The following KLF12 variants were observed in gnomAD, a reference collection of about 807,000 sequenced individuals.
The protein encoded by KLF12 is Krueppel-like factor 12.
KLF12 carries 9 observed loss-of-function variants against 37.8 expected under a neutral mutation model. That is an observed-to-expected ratio of 0.24 (90% CI 0.14 to 0.42). The LOEUF (loss-of-function observed/expected upper bound fraction) is 0.42, where lower values mean the gene tolerates loss of function less well. Ranked by LOEUF, KLF12 falls within the 10% of genes least tolerant of loss-of-function variation. The probability of loss-of-function intolerance (pLI) is 1.00; values close to 1 mark genes in which losing one functional copy is unlikely to be tolerated. For synonymous variants in KLF12, 208 were observed against 202.1 expected, an observed-to-expected ratio of 1.03 and a Z score of -0.25; for missense variants, 411 against 516.0, an observed-to-expected ratio of 0.80 and a Z score of 1.97.
At chr13:74,225,218 T>G in the KLF12 span, among the ~76,000 whole-genome samples, 1 of 152,150 alleles carries the variant, frequency 6.6e-6, no homozygotes, top group African/African-American at 2.4e-5. Flanking sequence ...TCCCTACACC[T>G]GATCCCTTGA....
At chr13:73,819,217 A>G (rs1285385373) in intron 4 of KLF12, among the ~76,000 whole-genome samples, 1 of 152,136 alleles carries the variant, frequency 6.6e-6, no homozygotes, top group African/African-American at 2.4e-5. Context: ...TTGCACCGGG[A>G]ATCTTCAGTT....
At chr13:73,704,592 T>C (rs1335183234) in intron 7 of KLF12, among the ~76,000 whole-genome samples, 1 of 152,236 alleles carries the variant, frequency 6.6e-6, no homozygotes, top group Non-Finnish European at 1.5e-5. Context: ...CAGTTTCTAA[T>C]GATTCTGTTT....
At chr13:73,987,938 A>C (rs1009812088) in intron 2 of KLF12, among the ~76,000 whole-genome samples, 3 of 152,090 alleles carry the variant, frequency 2.0e-5, no homozygotes, top group African/African-American at 7.2e-5. Context: ...AAAAGAAATA[A>C]GCCTCAACAG....
At chr13:74,172,142 G>GACACACACACACACACACACACACACAC in the KLF12 span, among the ~76,000 whole-genome samples, 2 of 146,074 alleles carry the variant, frequency 1.4e-5, no homozygotes, top group South Asian at 4.5e-4. Flanking sequence ...TTTTCCTCAC[G>GACACACACACACACACACACACACACAC]ACACACACAC....
At chr13:74,177,176 CA>C in the KLF12 span, among the ~76,000 whole-genome samples, 4 of 152,076 alleles carry the variant, frequency 2.6e-5, no homozygotes, top group Non-Finnish European at 5.9e-5. Context: ...AAGGAAGGTA[CA>C]AAACATGAAA....
At chr13:74,170,847 C>A in the KLF12 span, among the ~76,000 whole-genome samples, 195 of 152,308 alleles carry the variant, frequency 1.3e-3, no homozygotes, top group African/African-American at 4.5e-3. Flanking sequence ...TCACTGCTGC[C>A]TTTGCCTCCT....
At chr13:73,776,450 A>G (rs934432111) in intron 5 of KLF12, among the ~76,000 whole-genome samples, 10 of 152,240 alleles carry the variant, frequency 6.6e-5, no homozygotes, top group African/African-American at 2.4e-4. Context: ...CCACAAGGCT[A>G]AAGGTACTTG....
rs555681566 is a variant in KLF12, at chr13:73,991,967, C to T, written c.33+3023G>A. Among the ~76,000 whole-genome samples, 97 of 152,232 alleles carry T rather than the reference C, an allele frequency of 6.4e-4. 1 individual carries two copies. The highest frequency in any genetic ancestry group is 3.2e-4 in the Non-Finnish European group (22 of 68,038). ...ATGAAATCGCTCACAGAAAGGCTTG[C>T]TCTTGTTCTCTTGATTTCCAAATGC... On this transcript the variant is annotated intron_variant, in intron 2 of 7. Coordinates refer to ENST00000377669, the MANE Select transcript of KLF12 (RefSeq NM_007249.5).
At chr13:73,724,793 CAG>C (rs796188508) in intron 6 of KLF12, among the ~76,000 whole-genome samples, 2 of 152,272 alleles carry the variant, frequency 1.3e-5, no homozygotes, top group African/African-American at 4.8e-5. Context: ...CACAGCTAAA[CAG>C]GGGCAGTTAG....
the KLF12 span, among the ~76,000 whole-genome samples, chr13:74,232,243 A>G: frequency 6.6e-6 from 1 of 152,224 alleles, no homozygotes; most frequent in Admixed American, 6.5e-5. Context: ...CAACAGCAAC[A>G]ATGAAACTCC....
intron 5 of KLF12, among the ~76,000 whole-genome samples, chr13:73,809,781 T>C (rs1197610156): frequency 6.6e-6 from 1 of 152,178 alleles, no homozygotes; most frequent in East Asian, 1.9e-4. Flanking sequence ...TAACTATTGA[T>C]GGGTCCTGGC....
At chr13:74,147,879 T>C in the KLF12 span, among the ~76,000 whole-genome samples, 5 of 152,228 alleles carry the variant, frequency 3.3e-5, no homozygotes, top group South Asian at 8.3e-4. Flanking sequence ...CACCCATTTA[T>C]GTATATTGCT....
At chr13:73,780,028 T>G (rs1408629082) in intron 5 of KLF12, among the ~76,000 whole-genome samples, 2 of 152,122 alleles carry the variant, frequency 1.3e-5, no homozygotes, top group African/African-American at 4.8e-5. Flanking sequence ...CATGGATGAC[T>G]CAAGAGTTCA....
At chr13:74,075,263 A>C (rs1158827317) in intron 1 of KLF12, among the ~76,000 whole-genome samples, 1 of 152,222 alleles carries the variant, frequency 6.6e-6, no homozygotes, top group Non-Finnish European at 1.5e-5. Flanking sequence ...TCCATTTTCT[A>C]ATCTAGCTTT....
At chr13:73,713,857 T>G (rs1875594346) in intron 7 of KLF12, among the ~76,000 whole-genome samples, 1 of 152,140 alleles carries the variant, frequency 6.6e-6, no homozygotes, top group African/African-American at 2.4e-5. Context: ...TCCAGAAAAC[T>G]CAAAGAGAAT....
the KLF12 span, among the ~76,000 whole-genome samples, chr13:74,244,873 T>C: frequency 2.6e-5 from 4 of 152,296 alleles, no homozygotes; most frequent in East Asian, 1.9e-4. Context: ...GTATTCCAAA[T>C]TGAGAAGCAC....
intron 3 of KLF12, among the ~76,000 whole-genome samples, chr13:73,904,453 A>G (rs1888176884): frequency 1.5e-5 from 2 of 131,538 alleles, no homozygotes; most frequent in African/African-American, 5.7e-5. Context: ...ACAGTTTCTC[A>G]TGTTTTCTTT....
At chr13:73,986,355 A>C (rs2138212362) in intron 2 of KLF12, among the ~76,000 whole-genome samples, 1 of 152,292 alleles carries the variant, frequency 6.6e-6, no homozygotes, top group South Asian at 2.1e-4. Context: ...TTTTTCTTCC[A>C]ATCACAAGAA....
At chr13:73,895,012 T>C (rs1488658991) in intron 3 of KLF12, among the ~76,000 whole-genome samples, 1 of 152,240 alleles carries the variant, frequency 6.6e-6, no homozygotes, top group African/African-American at 2.4e-5. Flanking sequence ...GAAAATGTCT[T>C]GGCATTATAT....
Sources: gnomAD v4.1 joint callset for allele counts (sites outside exome capture counted in the v4.1 genomes callset) on GRCh38, gnomAD v4.1.1 for gene constraint, MANE v1.5 for transcripts, NCBI Gene and HGNC (gene_info 2026-07-23, HGNC 2026-07-21) for gene names.